Variants in VPS13C observed in about 807,000 individuals in gnomAD.
VPS13C encodes intermembrane lipid transfer protein VPS13C.
A neutral mutation model predicts 456.8 loss-of-function variants in VPS13C; 358 were observed. The observed-to-expected ratio is 0.78, with a 90% CI of 0.72 to 0.86. VPS13C has a LOEUF of 0.86. Among genes scored for constraint, VPS13C ranks in the 40% least tolerant of loss-of-function variants. VPS13C has a pLI of 0.00. For synonymous variants in VPS13C, 1,578 were observed against 1,486.7 expected (o/e 1.06, Z -1.41); for missense variants, 4,818 against 4,385.4 (o/e 1.10, Z -2.79).
At chr15:61,981,279 G>A in intron 22 of VPS13C, 63 bp downstream of exon 22, 1 of 1,498,904 alleles carries the variant, frequency 6.7e-7, no homozygotes, top group South Asian at 1.4e-5. Context: ...ACAGCAAACT[G>A]TTGGAGAGTT....
At chr15:61,909,174 A>G (rs1181301332) in intron 64 of VPS13C, 49 bp from the exon 65 acceptor site, 1 of 1,594,838 alleles carries the variant, frequency 6.3e-7, no homozygotes, top group African/African-American at 1.4e-5. Flanking sequence ...TTTAATCTAC[A>G]CTTACATATG....
intron 3 of VPS13C, among the ~76,000 whole-genome samples, chr15:62,037,252 TTTATATATATTATATTA>T (rs2048046722): frequency 4.5e-5 from 1 of 22,226 alleles, no homozygotes; most frequent in Non-Finnish European, 8.4e-5. Flanking sequence ...ATATAATATA[TTTATATATATTATATTA>T]TATAATATAT....
rs1017720322 is a variant in VPS13C, at chr15:61,931,188, T to C, written c.5940A>G (p.Ser1980=). ...TTGAGCCATCCTTAAACATCTTCCCTGAGGAGGCCATAAGATGTAGTCTGA... is the reference window on the plus strand; with the variant it reads ...TTGAGCCATCCTTAAACATCTTCCCCGAGGAGGCCATAAGATGTAGTCTGA... ...GELRLHLMAS[S]GKMFKDGSMN... Residue 1980 remains serine (S), a synonymous_variant, in exon 50 of 85, where the codon TCA becomes TCG. Transcript: ENST00000644861. 6.2e-7 allele frequency: 1 copy of C among 1,614,168 alleles called. No individual in the cohort carries two copies.
intron 6 of VPS13C, 65 bp downstream of exon 6, chr15:62,028,293 C>T: frequency 6.4e-7 from 1 of 1,564,824 alleles, no homozygotes; most frequent in Non-Finnish European, 8.8e-7. Flanking sequence ...TGGACTCCAC[C>T]AAAAGCACAA....
Position 61,853,738 on chromosome 15 carries a change from T to C in VPS13C, c.*719A>G, listed in dbSNP as rs951922370. 1 of 152,132 alleles carries C rather than the reference T, an allele frequency of 6.6e-6. No homozygotes were observed. Among genetic ancestry groups the C allele is most frequent in the Non-Finnish European group, 1.5e-5 (1 of 68,002 alleles). The allele number at this position is 152,132 out of a possible 1,614,324, so 9.4% of individuals were successfully genotyped here. ...AATGTCAGGATCCAACATTTGTTCA[T>C]GGGTTAAAGCCTTTTGGCGGGCCGT... On this transcript the variant is annotated 3_prime_UTR_variant, in exon 85 of 85. Coordinates refer to ENST00000644861, the MANE Select transcript of VPS13C (RefSeq NM_020821.3).
chr15:62,037,885 G>A (rs1010115446), intron 3 of VPS13C, among the ~76,000 whole-genome samples: 2 of 151,824 alleles, frequency 1.3e-5, no homozygotes, highest in South Asian at 2.1e-4. Flanking sequence ...ATCCTGTTTC[G>A]AGACAAAAAC....
intron 47 of VPS13C, among the ~76,000 whole-genome samples, chr15:61,939,507 C>T (rs1177430141): frequency 6.6e-6 from 1 of 152,092 alleles, no homozygotes; most frequent in African/African-American, 2.4e-5. Context: ...GTATGAAAAC[C>T]CATTAAACCA....
intron 42 of VPS13C, among the ~76,000 whole-genome samples, chr15:61,947,568 T>C (rs1339690401): frequency 2.2e-5 from 3 of 139,108 alleles, no homozygotes; most frequent in African/African-American, 5.5e-5. Context: ...ATTTACTAGA[T>C]GGAAACTTTA....
intron 6 of VPS13C, 28 bp downstream of exon 6, chr15:62,028,330 T>C (rs2047705608): frequency 7.5e-6 from 12 of 1,610,034 alleles, no homozygotes; most frequent in Non-Finnish European, 1.0e-5. Context: ...GTTTATATAG[T>C]TGAATATAAT....
chr15:61,978,251 T>G (rs565483132), intron 23 of VPS13C, among the ~76,000 whole-genome samples: 69 of 152,238 alleles, frequency 4.5e-4, no homozygotes, highest in Admixed American at 5.9e-4. Context: ...AGTATAATAT[T>G]TGATAATGAA....
At chr15:61,966,477 T>C (rs1223025607) in intron 29 of VPS13C, among the ~76,000 whole-genome samples, 1 of 151,786 alleles carries the variant, frequency 6.6e-6, no homozygotes, top group Non-Finnish European at 1.5e-5. Flanking sequence ...CGTCAGCAAG[T>C]CTACATTTTT....
At chr15:61,857,383 G>A (rs1236798633) in intron 82 of VPS13C, among the ~76,000 whole-genome samples, 1 of 152,114 alleles carries the variant, frequency 6.6e-6, no homozygotes, top group Non-Finnish European at 1.5e-5. Flanking sequence ...CTCTATGTGG[G>A]TAAGGGAAAT....
At chr15:62,035,935 T>C (rs12911422) in intron 3 of VPS13C, among the ~76,000 whole-genome samples, 9,349 of 152,078 alleles carry the variant, frequency 0.061, 348 homozygotes, top group Non-Finnish European at 0.084. Flanking sequence ...CAAAAGGGCA[T>C]GCTCTCAGCT....
chr15:62,026,358 G>T (rs2047638489), intron 6 of VPS13C, among the ~76,000 whole-genome samples: 1 of 151,854 alleles, frequency 6.6e-6, no homozygotes, highest in South Asian at 2.1e-4. Context: ...CAAATGTCAA[G>T]TCATTTCATT....
rs1239248996 is a variant in VPS13C, at chr15:61,878,609, G to A, written c.10140C>T (p.Phe3380=). The A allele has an allele frequency of 1.2e-6, 2 of 1,606,906 alleles. No individual in the cohort carries two copies. Among genetic ancestry groups the A allele is most frequent in the East Asian group, 2.2e-5 (1 of 44,548 alleles). ...ATGTACTCTAACAGAAGTCTTACTT[G>A]AATATAAGGTCATCCACATCAGTCA... The part of the protein sequence containing the change: ...ATLTDVDDLI[F]KLAYYEIRYQ... Residue 3380 remains phenylalanine, a splice_region_variant and synonymous_variant, in exon 74 of 85, where the codon TTC becomes TTT. Transcript: ENST00000644861.
At chr15:61,873,138 A>G in intron 78 of VPS13C, 108 bp downstream of exon 78, 2 of 1,475,806 alleles carry the variant, frequency 1.4e-6, no homozygotes, top group East Asian at 2.3e-5. Context: ...CATTCTTTCT[A>G]TTCCTACAGG....
chr15:61,989,206 T>C (rs1319898901), intron 18 of VPS13C, among the ~76,000 whole-genome samples: 5 of 149,508 alleles, frequency 3.3e-5, no homozygotes. Context: ...GCCTGGGCAA[T>C]GTGGCAAAAC....
At chr15:61,932,413 C>T (rs1300436547) in intron 49 of VPS13C, among the ~76,000 whole-genome samples, 5 of 152,012 alleles carry the variant, frequency 3.3e-5, no homozygotes, top group South Asian at 2.1e-4. Context: ...GAGGCCTAAT[C>T]GAAGTCTCAA....
chr15:61,890,348 G>A lies in VPS13C; in HGVS notation c.9158C>T (p.Ser3053Leu), dbSNP rs867930698. The A allele has an allele frequency of 6.2e-7, 1 of 1,614,068 alleles. No homozygotes were observed. The highest frequency in any genetic ancestry group is 2.2e-5 in the East Asian group (1 of 44,866). Reference sequence around the variant, plus strand: ...AACTCTCTGGCGCCCATCCAGAAATGATACCCAGTGTATCTGGATGTTTGC... The same window carrying A: ...AACTCTCTGGCGCCCATCCAGAAATAATACCCAGTGTATCTGGATGTTTGC... ...YDANIQIHWV[S>L]FLDGRQRVLL... The change falls in exon 67 of 85, where the codon TCA becomes TTA. Residue 3053 changes from serine to leucine, a missense_variant. Ser to Leu is a moderately radical substitution (Grantham distance 145). This residue lies in a region of VPS13C where 4,552 missense variants were observed against 4,130.6 expected (regional missense o/e 1.10). Coordinates refer to ENST00000644861, the MANE Select transcript of VPS13C (RefSeq NM_020821.3).
Sources: allele counts gnomAD v4.1 joint callset (sites outside exome capture counted in the v4.1 genomes callset), GRCh38; gene constraint gnomAD v4.1.1; regional missense constraint gnomAD v4.1.1; transcripts MANE v1.5; gene names NCBI Gene and HGNC (gene_info 2026-07-23, HGNC 2026-07-21).